The following TRPM3 variants were observed in gnomAD, a reference collection of about 807,000 sequenced individuals.
TRPM3 encodes long transient receptor potential channel 3.
TRPM3 carries 77 observed loss-of-function variants against 181.2 expected under a neutral mutation model. The observed-to-expected ratio is 0.42, with a 90% confidence interval of 0.35 to 0.51. The LOEUF is 0.51. Ranked by LOEUF, TRPM3 falls within the 20% of genes least tolerant of loss-of-function variation. TRPM3 has a pLI of 0.01. For synonymous variants in TRPM3, 745 were observed against 796.4 expected, an observed-to-expected ratio of 0.94 and a Z score of 1.09; for missense variants, 1,759 against 2,196.7, an observed-to-expected ratio of 0.80 and a Z score of 3.98.
intron 9 of TRPM3, among the ~76,000 whole-genome samples, chr9:70,667,287 A>T (rs187594711): frequency 2.6e-5 from 4 of 152,094 alleles, no homozygotes; most frequent in Non-Finnish European, 4.4e-5. Flanking sequence ...TTATCTGGGA[A>T]ATCTTTTGTG....
At chr9:71,420,699 A>AAGAGAGAAAGAAAGAGAGAAAGAGAG (rs1565556722) in intron 1 of TRPM3, among the ~76,000 whole-genome samples, 1 of 103,596 alleles carries the variant, frequency 9.7e-6, no homozygotes, top group Non-Finnish European at 1.9e-5. Flanking sequence ...GGGAAAGAGA[A>AAGAGAGAAAGAAAGAGAGAAAGAGAG]AGAGAGAGAA....
chr9:71,152,884 T>C lies in TRPM3; in HGVS notation c.184-288373A>G, dbSNP rs74565163. Reference sequence around the variant, plus strand: ...TTTCAGGCACTGTGTTTGGTAGACATAAAGGATAAAACAACAGTGGCCTTA... The same window carrying C: ...TTTCAGGCACTGTGTTTGGTAGACACAAAGGATAAAACAACAGTGGCCTTA... On this transcript the variant is annotated intron_variant, in intron 1 of 24. Coordinates refer to the TRPM3 transcript ENST00000357533. Among the ~76,000 whole-genome samples the C allele has an allele frequency of 4.2e-3, 642 of 152,254 alleles. 2 individuals are homozygous for C. The highest frequency in any genetic ancestry group is 0.014 in the African/African-American group (597 of 41,550).
chr9:71,114,430 A>G (rs1022290006), intron 1 of TRPM3, among the ~76,000 whole-genome samples: 21 of 152,198 alleles, frequency 1.4e-4, no homozygotes, highest in Non-Finnish European at 3.1e-4. Context: ...AAGAGCCAGG[A>G]AAATTGTGTT....
intron 6 of TRPM3, among the ~76,000 whole-genome samples, chr9:70,819,864 T>A (rs2093018414): frequency 6.6e-6 from 1 of 152,210 alleles, no homozygotes; most frequent in South Asian, 2.1e-4. Flanking sequence ...ACCTAAAATA[T>A]AATTCAAAGA....
chr9:71,265,695 T>C (rs1331065585), intron 1 of TRPM3, among the ~76,000 whole-genome samples: 1 of 152,226 alleles, frequency 6.6e-6, no homozygotes, highest in Non-Finnish European at 1.5e-5. Context: ...AAGCCTATTA[T>C]AAGTGTTGAG....
intron 1 of TRPM3, among the ~76,000 whole-genome samples, chr9:71,387,574 A>G (rs2132920124): frequency 6.6e-6 from 1 of 152,330 alleles, no homozygotes; most frequent in Non-Finnish European, 1.5e-5. Context: ...GTAATTAAAT[A>G]TTTGTTGTTG....
chr9:70,742,512 A>G (rs1055097933), intron 8 of TRPM3, among the ~76,000 whole-genome samples: 10 of 152,188 alleles, frequency 6.6e-5, no homozygotes, highest in Non-Finnish European at 1.2e-4. Context: ...GGTATAGAAC[A>G]CTAGAACTTA....
intron 8 of TRPM3, among the ~76,000 whole-genome samples, chr9:70,699,290 C>T (rs762978942): frequency 5.9e-5 from 9 of 152,046 alleles, no homozygotes; most frequent in Admixed American, 2.0e-4. Flanking sequence ...CACAGTAAGA[C>T]GTCATGGAGA....
intron 1 of TRPM3, among the ~76,000 whole-genome samples, chr9:71,154,521 T>C (rs879411983): frequency 6.6e-5 from 10 of 152,080 alleles, no homozygotes; most frequent in Admixed American, 6.6e-5. Context: ...GGTCAAAATA[T>C]ATTTGGGTAG....
chr9:71,114,903 T>G (rs368266212), intron 1 of TRPM3, among the ~76,000 whole-genome samples: 22 of 152,246 alleles, frequency 1.4e-4, no homozygotes, highest in African/African-American at 5.1e-4. Context: ...ATTCTGAAAT[T>G]TCACATCACG....
chr9:70,942,913 A>C (rs1291342953), intron 1 of TRPM3, among the ~76,000 whole-genome samples: 1 of 152,112 alleles, frequency 6.6e-6, no homozygotes, highest in Non-Finnish European at 1.5e-5. Context: ...AAATTTCAAA[A>C]ACCACTGGCT....
intron 9 of TRPM3, among the ~76,000 whole-genome samples, chr9:70,645,313 A>G (rs918582363): frequency 1.3e-5 from 2 of 152,314 alleles, no homozygotes; most frequent in South Asian, 2.1e-4. Flanking sequence ...AAGCTATACT[A>G]CAAGGCTACA....
At chr9:71,125,262 GGT>G (rs1166236151), upstream of TRPM3, among the ~76,000 whole-genome samples, 2 of 152,136 alleles carry the variant, frequency 1.3e-5, no homozygotes, top group Non-Finnish European at 2.9e-5. Flanking sequence ...TTGTTACACA[GGT>G]AAATGTGTGC....
chr9:71,251,469 A>T (rs189259080), intron 1 of TRPM3, among the ~76,000 whole-genome samples: 211 of 152,212 alleles, frequency 1.4e-3, no homozygotes, highest in African/African-American at 4.0e-3. Flanking sequence ...ATAAATGTTT[A>T]TTTAACTAAA....
At chr9:70,809,854 T>C (rs2091557764) in intron 6 of TRPM3, 2 of 463,708 alleles carry the variant, frequency 4.3e-6, no homozygotes, top group Admixed American at 2.2e-5. Context: ...AGTTCTACTA[T>C]GACCTTTAAC....
chr9:71,160,893 G>A (rs1246478758), intron 1 of TRPM3, among the ~76,000 whole-genome samples: 1 of 152,082 alleles, frequency 6.6e-6, no homozygotes, highest in East Asian at 1.9e-4. Flanking sequence ...TGTATTGCTG[G>A]TAGACAAAAT....
At chr9:71,365,365 C>A (rs997625185) in intron 1 of TRPM3, among the ~76,000 whole-genome samples, 1 of 152,032 alleles carries the variant, frequency 6.6e-6, no homozygotes, top group African/African-American at 2.4e-5. Flanking sequence ...TTCCAATATC[C>A]AAGTCTCATA....
chr9:70,794,293 C>T (rs2086438757), intron 6 of TRPM3, among the ~76,000 whole-genome samples: 1 of 152,140 alleles, frequency 6.6e-6, no homozygotes, highest in Admixed American at 6.5e-5. Flanking sequence ...TATCAAGAAA[C>T]TTCACCCTGA....
intron 1 of TRPM3, among the ~76,000 whole-genome samples, chr9:71,319,493 CTGTTT>C (rs2088987988): frequency 6.6e-6 from 1 of 152,078 alleles, no homozygotes; most frequent in Middle Eastern, 3.2e-3. Flanking sequence ...CTCTACCGTT[CTGTTT>C]TATTTGGGCC....
Sources: allele counts gnomAD v4.1 joint callset (sites outside exome capture counted in the v4.1 genomes callset), GRCh38; gene constraint gnomAD v4.1.1; transcripts MANE v1.5; gene names NCBI Gene and HGNC (gene_info 2026-07-23, HGNC 2026-07-21).